SLC35F3: variants seen among roughly 807,000 people sequenced by gnomAD.
The protein encoded by SLC35F3 is putative thiamine transporter SLC35F3.
Under a neutral mutation model 49.9 loss-of-function variants are expected in SLC35F3, and 25 were observed. The ratio of observed to expected loss-of-function variants is 0.50; its 90% confidence interval spans 0.37 to 0.70. SLC35F3 has a LOEUF of 0.70. Among genes scored for constraint, SLC35F3 ranks in the 30% least tolerant of loss-of-function variants. SLC35F3 has a pLI of 0.00. For missense variants in SLC35F3, 525 were observed against 639.8 expected, an observed-to-expected ratio of 0.82 and a Z score of 1.94; for synonymous variants, 275 against 265.4, an observed-to-expected ratio of 1.04 and a Z score of -0.35.
intron 2 of SLC35F3, among the ~76,000 whole-genome samples, chr1:233,906,278 G>A (rs573217613): frequency 1.3e-5 from 2 of 152,202 alleles, no homozygotes; most frequent in South Asian, 4.2e-4. Context: ...GGATTTTATC[G>A]GTCTTCAGTA....
chr1:234,100,316 CCCTCAGG>C lies in SLC35F3; in HGVS notation c.284-131099_284-131093del, dbSNP rs1572052013. Among the ~76,000 whole-genome samples, 3 of 152,290 alleles carry C rather than the reference CCCTCAGG, an allele frequency of 2.0e-5. No homozygotes were observed. The East Asian group carries it at 5.8e-4, about 29-fold the overall frequency. On this transcript the variant is annotated intron_variant, in intron 2 of 7. Transcript: ENST00000366618. ...TCTCCAACGTCTGCCGAGAAACAGTCCCTCAGGCTTTGCTACAATATTTCCAATAACA... is the reference window on the plus strand; with the variant it reads ...TCTCCAACGTCTGCCGAGAAACAGTCCTTTGCTACAATATTTCCAATAACA...
At chr1:233,941,304 A>G (rs1662416365) in intron 2 of SLC35F3, among the ~76,000 whole-genome samples, 1 of 152,192 alleles carries the variant, frequency 6.6e-6, no homozygotes, top group Non-Finnish European at 1.5e-5. Flanking sequence ...CTTGCATTAT[A>G]ACATTTTACT....
At chr1:233,998,113 A>G (rs940265989) in intron 2 of SLC35F3, among the ~76,000 whole-genome samples, 18 of 152,136 alleles carry the variant, frequency 1.2e-4, no homozygotes, top group Non-Finnish European at 2.1e-4. Flanking sequence ...ATATGTGTGT[A>G]TTCATATATA....
chr1:234,103,908 C>T (rs1009771740), intron 2 of SLC35F3, among the ~76,000 whole-genome samples: 33 of 152,308 alleles, frequency 2.2e-4, no homozygotes, highest in African/African-American at 6.7e-4. Flanking sequence ...CCACCGTGTT[C>T]TTTTCCCTTA....
At chr1:234,194,336 A>G (rs146376671) in intron 2 of SLC35F3, among the ~76,000 whole-genome samples, 3 of 152,324 alleles carry the variant, frequency 2.0e-5, no homozygotes, top group African/African-American at 7.2e-5. Context: ...AAGAGAAGTG[A>G]CTCAGGAATG....
intron 3 of SLC35F3, among the ~76,000 whole-genome samples, chr1:234,238,952 A>G (rs1462708246): frequency 6.6e-6 from 1 of 152,164 alleles, no homozygotes; most frequent in African/African-American, 2.4e-5. Context: ...TGTTATTTCA[A>G]TTTCACTGAA....
At chr1:234,230,456 A>G (rs1413804716) in intron 2 of SLC35F3, among the ~76,000 whole-genome samples, 1 of 152,254 alleles carries the variant, frequency 6.6e-6, no homozygotes, top group Non-Finnish European at 1.5e-5. Context: ...GCTAGGTGCC[A>G]GGCACAACAT....
intron 2 of SLC35F3, among the ~76,000 whole-genome samples, chr1:233,914,200 C>T (rs1356512999): frequency 1.3e-5 from 2 of 152,156 alleles, no homozygotes; most frequent in African/African-American, 4.8e-5. Flanking sequence ...CTCCTCTCTC[C>T]TCCAATTCGA....
In SLC35F3 at chr1:234,231,623, G is replaced by C. The variant is rs765898996; in HGVS notation, c.490G>C (p.Asp164His). Residue 164 changes from aspartate to histidine, a missense_variant, in exon 3 of 8, where the codon GAC (aspartate) becomes CAC (histidine). Coordinates refer to ENST00000366618, the MANE Select transcript of SLC35F3 (RefSeq NM_173508.4). This position sits in a 1 kb window ranked among gnomAD's most constrained non-coding sequence, Gnocchi z 5.4. The part of the protein sequence containing the change: ...QLAKLTFRKF[D>H]APFTLTWFAT... ...CGCCAAGCTGACCTTCAGGAAGTTC[G>C]ACGCGCCCTTCACCCTCACGTGGTT... 8.1e-6 allele frequency: 13 copies of C among 1,614,088 alleles called. No individual in the cohort carries two copies. The South Asian group carries it at 1.3e-4, about 16-fold the overall frequency.
At chr1:234,091,174 A>G (rs978600995) in intron 2 of SLC35F3, among the ~76,000 whole-genome samples, 1 of 152,216 alleles carries the variant, frequency 6.6e-6, no homozygotes, top group Non-Finnish European at 1.5e-5. Context: ...GAACTCCTAC[A>G]CCTTCTTGGA....
intron 2 of SLC35F3, among the ~76,000 whole-genome samples, chr1:234,034,563 T>C (rs1027165561): frequency 6.6e-6 from 1 of 152,168 alleles, no homozygotes; most frequent in Non-Finnish European, 1.5e-5. Flanking sequence ...CTGTGTCGCC[T>C]AGGCTGGAGT....
intron 3 of SLC35F3, among the ~76,000 whole-genome samples, chr1:234,292,932 G>C (rs1425993653): frequency 1.3e-5 from 2 of 152,198 alleles, no homozygotes; most frequent in African/African-American, 4.8e-5. Context: ...ACTGTGAAAG[G>C]ATCCTAGAGG....
intron 3 of SLC35F3, among the ~76,000 whole-genome samples, chr1:234,263,743 G>C (rs914624189): frequency 6.6e-6 from 1 of 152,192 alleles, no homozygotes; most frequent in Non-Finnish European, 1.5e-5. Flanking sequence ...ATTTACTAGT[G>C]TCACCCACGA....
At chr1:234,288,891 G>C (rs1231329155) in intron 3 of SLC35F3, among the ~76,000 whole-genome samples, 1 of 152,192 alleles carries the variant, frequency 6.6e-6, no homozygotes, top group Non-Finnish European at 1.5e-5. Context: ...ACTAGGGGCT[G>C]AGAGATCCAA....
At chr1:234,106,897 C>T (rs1268128564) in intron 2 of SLC35F3, among the ~76,000 whole-genome samples, 1 of 152,210 alleles carries the variant, frequency 6.6e-6, no homozygotes, top group African/African-American at 2.4e-5. Context: ...CAATAAGGAT[C>T]CACCAAACCA....
intron 2 of SLC35F3, among the ~76,000 whole-genome samples, chr1:233,942,342 C>T (rs1300084772): frequency 1.3e-5 from 2 of 151,860 alleles, no homozygotes; most frequent in Non-Finnish European, 2.9e-5. Flanking sequence ...GGCCAAATGC[C>T]TCTTGGGGTT....
chr1:234,136,207 T>C (rs1409873933), intron 2 of SLC35F3, among the ~76,000 whole-genome samples: 1 of 151,778 alleles, frequency 6.6e-6, no homozygotes, highest in Non-Finnish European at 1.5e-5. Context: ...TTTATTTTCT[T>C]CTCTTCCCTT....
At chr1:234,097,788 C>T (rs748895798) in intron 2 of SLC35F3, among the ~76,000 whole-genome samples, 20 of 152,138 alleles carry the variant, frequency 1.3e-4, no homozygotes, top group Non-Finnish European at 2.1e-4. Context: ...GTACAATTTA[C>T]AAATATAGGC....
intron 3 of SLC35F3, among the ~76,000 whole-genome samples, chr1:234,275,602 GAC>G (rs58345055): frequency 5.5e-5 from 8 of 144,950 alleles, no homozygotes; most frequent in Non-Finnish European, 9.1e-5. Context: ...CAGACAGACA[GAC>G]ACACACACAC....
Sources: gnomAD v4.1 joint callset for allele counts (sites outside exome capture counted in the v4.1 genomes callset) on GRCh38, gnomAD v4.1.1 for gene constraint, Gnocchi (gnomAD v3.1) non-coding constraint, MANE v1.5 for transcripts, NCBI Gene and HGNC (gene_info 2026-07-23, HGNC 2026-07-21) for gene names.